GZMA: variants seen among roughly 807,000 people sequenced by gnomAD.
GZMA encodes the protein granzyme A, also known as CTL tryptase.
A neutral mutation model predicts 21.1 loss-of-function variants in GZMA; 17 were observed. The ratio of observed to expected loss-of-function variants is 0.81; its 90% CI spans 0.55 to 1.21. The LOEUF (loss-of-function observed/expected upper bound fraction) is 1.21. Ranked by LOEUF, GZMA falls within the 50% of genes most tolerant of loss-of-function variation. The pLI, the probability that GZMA is intolerant of heterozygous loss-of-function variation, is 0.00. For synonymous variants in GZMA, 90 were observed against 107.8 expected, an observed-to-expected ratio of 0.83 and a Z score of 1.03; for missense variants, 306 against 315.9, an observed-to-expected ratio of 0.97 and a Z score of 0.24.
chr5:55,108,125 C>T lies in GZMA; in HGVS notation c.358C>T (p.Leu120=). ...TREGDLKLLQ[L]MEKAKINKYV... is the part of the protein sequence containing the mutation. ...ACACTTTATGTTTTTCTTCCAACAG[C>T]TGATGGAAAAAGCAAAAATTAACAA... The change falls in exon 4 of 5, where the codon CTG becomes TTG. Residue 120 remains leucine, a splice_region_variant and synonymous_variant. Coordinates refer to ENST00000274306, the MANE Select transcript of GZMA (RefSeq NM_006144.4). 2 of 1,587,764 alleles carry T rather than the reference C, an allele frequency of 1.3e-6. No individual in the cohort carries two copies. Among genetic ancestry groups the T allele is most frequent in the Non-Finnish European group, 1.7e-6 (2 of 1,156,490 alleles).
chr5:55,110,200 T>C lies in GZMA; in HGVS notation c.*18T>C, dbSNP rs1215830184. 2 of 1,538,336 alleles carry C rather than the reference T, an allele frequency of 1.3e-6. No individual in the cohort carries two copies. The highest frequency in any genetic ancestry group is 1.4e-5 in the African/African-American group (1 of 71,436). ...CAGTTTAAATAACCGTTTCCTTTCATTTACTGTGGCTTCTTAATCTTTTCA... is the reference window on the plus strand; with the variant it reads ...CAGTTTAAATAACCGTTTCCTTTCACTTACTGTGGCTTCTTAATCTTTTCA... On this transcript the variant is annotated 3_prime_UTR_variant, in exon 5 of 5. Transcript: ENST00000274306.
intron 4 of GZMA, among the ~76,000 whole-genome samples, chr5:55,109,118 T>C (rs1250063970): frequency 6.6e-6 from 1 of 152,220 alleles, no homozygotes; most frequent in Non-Finnish European, 1.5e-5. Flanking sequence ...GTTTGGCAGT[T>C]ACCAGAGACT....
intron 1 of GZMA, among the ~76,000 whole-genome samples, chr5:55,104,667 A>G (rs1009160872): frequency 1.3e-5 from 2 of 152,214 alleles, no homozygotes; most frequent in Non-Finnish European, 2.9e-5. Context: ...GAGCACTCGG[A>G]GTGTATCACT....
At position 55,108,374 on chromosome 5, in the gene GZMA, G is replaced by A. The variant is rs368307665; in HGVS notation, c.607G>A (p.Gly203Ser). Residue 203 changes from glycine to serine, a missense_variant, in exon 4 of 5, where the codon GGT becomes AGT. Transcript: ENST00000274306. ...MNMVCAGSLR[G>S]GRDSCNGDSG... is the part of the protein sequence containing the mutation. The stretch of plus-strand genomic sequence containing the variant: ...TATGGTTTGTGCTGGAAGCCTCCGA[G>A]GTGGAAGAGACTCGTGCAATGTAAG... 6.2e-7 allele frequency: 1 copy of A among 1,612,910 alleles called. No individual in the cohort carries two copies. Among genetic ancestry groups the A allele is most frequent in the Admixed American group, 1.7e-5 (1 of 60,004 alleles).
intron 4 of GZMA, 58 bp from the exon 5 acceptor site, chr5:55,109,963 T>C: frequency 7.8e-7 from 1 of 1,281,494 alleles, no homozygotes; most frequent in South Asian, 2.3e-5. Flanking sequence ...TTCTTCCATT[T>C]CACTAGTGGT....
chr5:55,102,746 C>A lies in GZMA; in HGVS notation c.64C>A (p.Pro22Thr). 1 of 1,591,946 alleles carries A rather than the reference C, an allele frequency of 6.3e-7. No individual in the cohort carries two copies. The highest frequency in any genetic ancestry group is 8.6e-7 in the Non-Finnish European group (1 of 1,159,818). ...AGTTGTCGTTTCTCTCCTGCTAATT[C>A]CTGAAGGTAAGACTGATTCTTCTCA... ...LSVVVSLLLI[P>T]EDVCEKIIGG... The change falls in exon 1 of 5, where the codon CCT (proline) becomes ACT (threonine). Residue 22 changes from proline (P) to threonine (T), a missense_variant. Pro to Thr is a conservative substitution (Grantham distance 38). Transcript: ENST00000274306.
rs959285900 is a variant in GZMA, at chr5:55,105,302, A to G, written c.71-172A>G. Reference sequence around the variant, plus strand: ...AACAGGACCCTAGAGTCCAACAGGAATAGGATTTGCATCAGATGTCTGCGG... The same window carrying G: ...AACAGGACCCTAGAGTCCAACAGGAGTAGGATTTGCATCAGATGTCTGCGG... On this transcript the variant is annotated intron_variant, in intron 1 of 4. Transcript: ENST00000274306. Among the ~76,000 whole-genome samples the G allele has an allele frequency of 5.9e-5, 9 of 152,190 alleles. 1 individual carries two copies. Among genetic ancestry groups the G allele is most frequent in the African/African-American group, 2.2e-4 (9 of 41,464 alleles).
intron 4 of GZMA, among the ~76,000 whole-genome samples, chr5:55,109,244 C>G (rs1742463634): frequency 6.6e-6 from 1 of 152,198 alleles, no homozygotes; most frequent in Admixed American, 6.5e-5. Context: ...ACTTTCTCTT[C>G]TCTGCCCTAG....
chr5:55,108,073 A>G (rs1580329506), intron 3 of GZMA, 52 bp from the exon 4 acceptor site: 1 of 1,457,002 alleles, frequency 6.9e-7, no homozygotes, highest in East Asian at 2.3e-5. Flanking sequence ...TATAATTTAA[A>G]ATGTAAATAT....
chr5:55,103,384 C>G (rs909776593), intron 1 of GZMA, among the ~76,000 whole-genome samples: 1 of 152,206 alleles, frequency 6.6e-6, no homozygotes. Flanking sequence ...AGGCGTGAGG[C>G]CAGTTCCCTC....
At chr5:55,109,364 G>A (rs1252459193) in intron 4 of GZMA, among the ~76,000 whole-genome samples, 2 of 152,152 alleles carry the variant, frequency 1.3e-5, no homozygotes, top group East Asian at 1.9e-4. Context: ...ATCCCAAGAC[G>A]CTAGTCCCCA....
intron 2 of GZMA, 59 bp downstream of exon 2, chr5:55,105,677 T>A: frequency 1.4e-6 from 2 of 1,468,090 alleles, no homozygotes; most frequent in Non-Finnish European, 1.9e-6. Context: ...GGGGAAACAT[T>A]AATAAAAAGA....
chr5:55,108,023 T>A, intron 3 of GZMA, 88 bp downstream of exon 3: 1 of 1,414,814 alleles, frequency 7.1e-7, no homozygotes, highest in South Asian at 1.3e-5. Flanking sequence ...GTGCCCCTGT[T>A]GTAAAAACTC....
In GZMA at chr5:55,105,524, C is replaced by T. The variant is rs760717041; in HGVS notation, c.121C>T (p.Pro41Ser). The T allele has an allele frequency of 6.2e-7, 1 of 1,611,344 alleles. No homozygotes were observed. Among genetic ancestry groups the T allele is most frequent in the South Asian group, 1.1e-5 (1 of 91,008 alleles). The change falls in exon 2 of 5, where the codon CCC becomes TCC. Residue 41 changes from proline to serine, a missense_variant. By Grantham distance (74) the Pro-to-Ser change is moderately conservative (BLOSUM62 -1). Transcript: ENST00000274306. ...GGNEVTPHSRPYMVLLSLDRK... is the reference protein window; with the variant it reads ...GGNEVTPHSRSYMVLLSLDRK... ...AAATGAAGTAACTCCTCATTCAAGA[C>T]CCTACATGGTCCTACTTAGTCTTGA...
At chr5:55,108,030 A>G in intron 3 of GZMA, 95 bp downstream of exon 3, 1 of 1,409,140 alleles carries the variant, frequency 7.1e-7, no homozygotes, top group Non-Finnish European at 9.9e-7. Flanking sequence ...TGTTGTAAAA[A>G]CTCACAATAA....
intron 1 of GZMA, among the ~76,000 whole-genome samples, chr5:55,103,367 T>A (rs1742335192): frequency 6.6e-6 from 1 of 152,210 alleles, no homozygotes. Context: ...TCTTTGGCAA[T>A]AAATTAAGGC....
intron 1 of GZMA, among the ~76,000 whole-genome samples, chr5:55,104,113 A>G (rs958268465): frequency 6.6e-6 from 1 of 152,230 alleles, no homozygotes; most frequent in African/African-American, 2.4e-5. Context: ...TAGTATGACT[A>G]TATTCAGGCA....
In GZMA at chr5:55,108,340, TG is replaced by T; in HGVS notation, c.575del (p.Gly192GlufsTer2). The T allele has an allele frequency of 6.2e-7, 1 of 1,613,582 alleles. No individual in the cohort carries two copies. The highest frequency in any genetic ancestry group is 8.5e-7 in the Non-Finnish European group (1 of 1,179,540). ...RNHYNFNPVIGMNMVCAGSLR... is the reference protein window; with the variant it reads ...RNHYNFNPVIXMNMVCAGSLR... ...ATCACTATAATTTTAACCCTGTGAT[TG>T]GAATGAATATGGTTTGTGCTGGAAG... On this transcript the variant is annotated frameshift_variant, in exon 4 of 5. Transcript: ENST00000274306. LOFTEE classifies it high-confidence loss of function.
Position 55,107,926 on chromosome 5 carries a change from A to G in GZMA, c.348A>G (p.Lys116=). 1 of 1,612,940 alleles carries G rather than the reference A, an allele frequency of 6.2e-7. No homozygotes were observed. The highest frequency in any genetic ancestry group is 8.5e-7 in the Non-Finnish European group (1 of 1,179,062). The change falls in exon 3 of 5, where the codon AAA becomes AAG. Residue 116 remains lysine, a synonymous_variant. Coordinates refer to ENST00000274306, the MANE Select transcript of GZMA (RefSeq NM_006144.4). ...CAGCCACACGCGAAGGTGACCTTAA[A>G]CTTTTACAGGTACGTATCTTTGATT... ...YDPATREGDL[K]LLQLMEKAKI... is the part of the protein sequence containing the mutation.
Sources: gnomAD v4.1 joint callset for allele counts (sites outside exome capture counted in the v4.1 genomes callset) on GRCh38, gnomAD v4.1.1 for gene constraint, MANE v1.5 for transcripts, NCBI Gene and HGNC (gene_info 2026-07-23, HGNC 2026-07-21) for gene names.